The following MEGF11 variants were observed in gnomAD, a reference collection of about 807,000 sequenced individuals.
The protein encoded by MEGF11 is multiple epidermal growth factor-like domains protein 11.
In MEGF11, 126 loss-of-function variants were observed where a neutral mutation model predicts 146.6. The ratio of observed to expected loss-of-function variants is 0.86; its 90% CI spans 0.74 to 1.00. The LOEUF is 1.00. Among genes scored for constraint, MEGF11 ranks in the 50% least tolerant of loss-of-function variants. The pLI, the probability that MEGF11 is intolerant of heterozygous loss-of-function variation, is 0.00. For synonymous variants in MEGF11, 532 were observed against 583.4 expected, an observed-to-expected ratio of 0.91 and a Z score of 1.27; for missense variants, 1,509 against 1,521.2, an observed-to-expected ratio of 0.99 and a Z score of 0.13.
intron 1 of MEGF11, among the ~76,000 whole-genome samples, chr15:66,247,922 C>A (rs1162528246): frequency 6.6e-6 from 1 of 151,704 alleles, no homozygotes; most frequent in Non-Finnish European, 1.5e-5. Context: ...TGTAATCCAG[C>A]CACTCGGGAG....
chr15:65,926,947 G>A (rs1044207326), intron 13 of MEGF11, among the ~76,000 whole-genome samples: 10 of 152,216 alleles, frequency 6.6e-5, no homozygotes, highest in African/African-American at 1.9e-4. Flanking sequence ...CCAGGCTGGA[G>A]ATACTGCAGA....
At chr15:66,235,770 C>T (rs1297279450) in intron 1 of MEGF11, among the ~76,000 whole-genome samples, 3 of 152,094 alleles carry the variant, frequency 2.0e-5, no homozygotes, top group Non-Finnish European at 4.4e-5. Flanking sequence ...TCTCACAGTC[C>T]ACCCCAAAAT....
intron 1 of MEGF11, among the ~76,000 whole-genome samples, chr15:66,161,174 G>A (rs934711702): frequency 2.0e-5 from 3 of 152,210 alleles, no homozygotes; most frequent in African/African-American, 7.2e-5. Flanking sequence ...GGGATCAGAT[G>A]AGGATCTCAG....
At chr15:65,944,384 A>C (rs1313311717) in intron 10 of MEGF11, among the ~76,000 whole-genome samples, 1 of 152,092 alleles carries the variant, frequency 6.6e-6, no homozygotes, top group Non-Finnish European at 1.5e-5. Flanking sequence ...GCTGAGGGGG[A>C]TGGAGAGCAA....
chr15:66,022,648 G>A (rs913657817), intron 5 of MEGF11, among the ~76,000 whole-genome samples: 1 of 152,022 alleles, frequency 6.6e-6, no homozygotes, highest in Non-Finnish European at 1.5e-5. Context: ...AGTATAGTGA[G>A]ATCCTATCTC....
chr15:66,032,124 G>A (rs1279719417), intron 5 of MEGF11, among the ~76,000 whole-genome samples: 3 of 152,196 alleles, frequency 2.0e-5, no homozygotes, highest in African/African-American at 7.2e-5. Flanking sequence ...TCCCCTTCAT[G>A]GAAAAATTGT....
At chr15:65,903,340 A>G (rs1022525335) in intron 24 of MEGF11, among the ~76,000 whole-genome samples, 1 of 152,240 alleles carries the variant, frequency 6.6e-6, no homozygotes, top group Non-Finnish European at 1.5e-5. Flanking sequence ...AGTTTGTTGC[A>G]GAATCACTGT....
At chr15:65,946,850 C>T (rs1275288984) in intron 10 of MEGF11, among the ~76,000 whole-genome samples, 2 of 152,168 alleles carry the variant, frequency 1.3e-5, no homozygotes, top group African/African-American at 2.4e-5. Context: ...GCAGGGCCCA[C>T]CTGCTCTGCT....
At chr15:65,952,346 AG>A (rs1450858730) in intron 10 of MEGF11, among the ~76,000 whole-genome samples, 1 of 152,076 alleles carries the variant, frequency 6.6e-6, no homozygotes, top group Non-Finnish European at 1.5e-5. Flanking sequence ...AGCCACAGAG[AG>A]GGGTGATGTG....
intron 4 of MEGF11, among the ~76,000 whole-genome samples, chr15:66,109,529 G>A (rs575116624): frequency 8.5e-5 from 13 of 152,250 alleles, no homozygotes; most frequent in South Asian, 6.2e-4. Context: ...ACAACAGCCC[G>A]AAGAGGTAGT....
intron 10 of MEGF11, among the ~76,000 whole-genome samples, chr15:65,934,281 C>T (rs1179954053): frequency 2.6e-5 from 4 of 152,310 alleles, no homozygotes; most frequent in East Asian, 1.9e-4. Flanking sequence ...GTCGGAGTTT[C>T]GCTCTTGTTG....
Position 66,128,261 on chromosome 15 carries a change from G to A in MEGF11, c.98+45C>T. On this transcript the variant is annotated intron_variant, in intron 2 of 25. Transcript: ENST00000395614. ...TCTGTCCCCTACTGCCATGCCCAGG[G>A]CGATCCCCCAGAGAGTGCCTGGCCA... 2.3e-6 allele frequency: 3 copies of A among 1,309,600 alleles called. No individual in the cohort carries two copies. The African/African-American group carries it at 4.6e-5, about 20-fold the overall frequency. 81.1% of individuals were successfully genotyped at this position (1,309,600 alleles called of 1,614,324 possible).
At chr15:66,162,881 C>T (rs937914259) in intron 1 of MEGF11, among the ~76,000 whole-genome samples, 5 of 152,218 alleles carry the variant, frequency 3.3e-5, no homozygotes, top group Non-Finnish European at 5.9e-5. Context: ...AATTGAATTA[C>T]TTCTCAGGTG....
intron 4 of MEGF11, among the ~76,000 whole-genome samples, chr15:66,117,867 C>T (rs117783850): frequency 5.3e-4 from 80 of 152,312 alleles, no homozygotes; most frequent in Non-Finnish European, 1.1e-3. Context: ...TCCTACAAAA[C>T]CATCACTACC....
chr15:66,190,923 C>T (rs1391576887), intron 1 of MEGF11, among the ~76,000 whole-genome samples: 2 of 152,164 alleles, frequency 1.3e-5, no homozygotes, highest in Non-Finnish European at 2.9e-5. Context: ...GCTTATTTAT[C>T]GTCCCTCCTG....
intron 5 of MEGF11, among the ~76,000 whole-genome samples, chr15:66,014,824 A>G (rs1354832348): frequency 6.6e-6 from 1 of 152,200 alleles, no homozygotes; most frequent in Non-Finnish European, 1.5e-5. Context: ...GGGATGAATT[A>G]TGAGGTCAGA....
chr15:66,130,942 G>T (rs2088622828), intron 1 of MEGF11, among the ~76,000 whole-genome samples: 1 of 152,154 alleles, frequency 6.6e-6, no homozygotes, highest in Non-Finnish European at 1.5e-5. Flanking sequence ...TGATTATTAG[G>T]CCAACTCCAT....
At chr15:65,934,416 A>C (rs1170408345) in intron 10 of MEGF11, among the ~76,000 whole-genome samples, 2 of 152,072 alleles carry the variant, frequency 1.3e-5, no homozygotes, top group Non-Finnish European at 2.9e-5. Flanking sequence ...ACACCCAGAT[A>C]ATTTTTGTAT....
rs116580916 is a variant in MEGF11 at position 66,125,949 on chromosome 15, C to T, written c.99-1949G>A. Among the ~76,000 whole-genome samples the T allele has an allele frequency of 3.0e-3, 459 of 152,278 alleles. 1 individual carries two copies. The highest frequency in any genetic ancestry group is 0.011 in the African/African-American group (440 of 41,548). ...GCTTTGCAAGATGCCCTGGGCCGAA[C>T]GAGTCTGGCAACCAGGCCTCGTACC... On this transcript the variant is annotated intron_variant, in intron 2 of 25. Transcript: ENST00000395614.
Sources: allele counts gnomAD v4.1 joint callset (sites outside exome capture counted in the v4.1 genomes callset), GRCh38; gene constraint gnomAD v4.1.1; transcripts MANE v1.5; gene names NCBI Gene and HGNC (gene_info 2026-07-23, HGNC 2026-07-21).